The following PREX1 variants were observed in gnomAD, a reference collection of about 807,000 sequenced individuals.
PREX1 encodes phosphatidylinositol 3,4,5-trisphosphate-dependent Rac exchanger 1 protein.
In PREX1, 41 loss-of-function variants were observed where a neutral mutation model predicts 198.3. The ratio of observed to expected loss-of-function variants is 0.21; its 90% CI spans 0.16 to 0.27. PREX1 has a LOEUF of 0.27. Among genes scored for constraint, PREX1 ranks in the 10% least tolerant of loss-of-function variants. The pLI is 1.00. For synonymous variants in PREX1, 843 were observed against 887.2 expected, an observed-to-expected ratio of 0.95 and a Z score of 0.89; for missense variants, 1,620 against 2,200.7, an observed-to-expected ratio of 0.74 and a Z score of 5.28.
At chr20:48,851,862 G>A in the PREX1 span, among the ~76,000 whole-genome samples, 4 of 152,142 alleles carry the variant, frequency 2.6e-5, no homozygotes, top group Non-Finnish European at 5.9e-5. Context: ...TCATCTGTGA[G>A]AGCCTTGAAC....
At chr20:48,727,847 C>T (rs1555838730) in intron 4 of PREX1, among the ~76,000 whole-genome samples, 1 of 152,180 alleles carries the variant, frequency 6.6e-6, no homozygotes, top group Non-Finnish European at 1.5e-5. Flanking sequence ...ACGTGGCTCT[C>T]AATCACATTA....
chr20:48,881,256 G>A, the PREX1 span, among the ~76,000 whole-genome samples: 1 of 152,050 alleles, frequency 6.6e-6, no homozygotes, highest in Non-Finnish European at 1.5e-5. Context: ...TCCCTTTACT[G>A]TGGTGTACAT....
chr20:48,640,855 A>C lies in PREX1; in HGVS notation c.3776-961T>G, dbSNP rs533276395. Reference sequence around the variant, plus strand: ...GACAGACAAGAAGATGGATGGATGGATGGGTAGGTGGGTAGATGGATGGAT... The same window carrying C: ...GACAGACAAGAAGATGGATGGATGGCTGGGTAGGTGGGTAGATGGATGGAT... On this transcript the variant is annotated intron_variant, in intron 29 of 39. Transcript: ENST00000371941. Among the ~76,000 whole-genome samples the C allele has an allele frequency of 7.3e-3, 687 of 94,118 alleles. 3 individuals carry two copies. The highest frequency in any genetic ancestry group is 9.0e-3 in the Non-Finnish European group (446 of 49,820). The allele number at this position is 94,118 out of a possible 152,430, so 61.7% of individuals were successfully genotyped here. A position where few individuals can be genotyped will look rare whatever the true frequency, so the allele number is the denominator to read the frequency against.
chr20:48,781,370 T>C (rs1354805021), intron 1 of PREX1, among the ~76,000 whole-genome samples: 1 of 152,106 alleles, frequency 6.6e-6, no homozygotes, highest in African/African-American at 2.4e-5. Context: ...TATTTGCAAG[T>C]TTTCTGTAAG....
At chr20:48,856,440 C>T in the PREX1 span, among the ~76,000 whole-genome samples, 1 of 152,122 alleles carries the variant, frequency 6.6e-6, no homozygotes, top group Non-Finnish European at 1.5e-5. Flanking sequence ...ACTGAGAGAG[C>T]CCAAACTTCA....
chr20:48,817,194 C>T (rs938723824), intron 1 of PREX1, among the ~76,000 whole-genome samples: 1 of 152,090 alleles, frequency 6.6e-6, no homozygotes, highest in African/African-American at 2.4e-5. Context: ...TTTCAATCTT[C>T]GGAGGGATTG....
intron 7 of PREX1, among the ~76,000 whole-genome samples, chr20:48,698,793 C>T (rs1474034684): frequency 6.6e-6 from 1 of 152,224 alleles, no homozygotes; most frequent in African/African-American, 2.4e-5. Context: ...AAGTTAACAA[C>T]AATGGTGCTG....
intron 17 of PREX1, among the ~76,000 whole-genome samples, chr20:48,657,569 G>A (rs911965207): frequency 5.9e-5 from 9 of 152,156 alleles, no homozygotes; most frequent in African/African-American, 1.2e-4. Context: ...CCTTCCAACC[G>A]CTCACATCAC....
At chr20:48,769,589 C>T (rs1487852067) in intron 1 of PREX1, among the ~76,000 whole-genome samples, 1 of 152,204 alleles carries the variant, frequency 6.6e-6, no homozygotes, top group Non-Finnish European at 1.5e-5. Context: ...TCCCTCATCT[C>T]CTCCCACACT....
At position 48,748,013 on chromosome 20, in the gene PREX1, G is replaced by C. The variant is rs2122782358; in HGVS notation, c.220-133C>G. On this transcript the variant is annotated intron_variant, in intron 1 of 39. Transcript: ENST00000371941. The stretch of plus-strand genomic sequence containing the variant: ...CCACGAGTCCAGGGACACAGGCAGA[G>C]GACGAGGAAAAACGTGCTCTGCTTA... 5.1e-6 allele frequency: 4 copies of C among 783,872 alleles called. No homozygotes were observed. In the East Asian group the frequency reaches 1.1e-4, roughly 22 times the overall value. 48.6% of individuals were successfully genotyped at this position (783,872 alleles called of 1,614,324 possible).
intron 3 of PREX1, 116 bp downstream of exon 3, chr20:48,744,909 C>A: frequency 7.3e-7 from 1 of 1,371,068 alleles, no homozygotes; most frequent in South Asian, 1.4e-5. Flanking sequence ...CCTTGCTACC[C>A]CATCTCCCAG....
the PREX1 span, among the ~76,000 whole-genome samples, chr20:48,834,046 G>A: frequency 6.1e-4 from 92 of 151,306 alleles, no homozygotes; most frequent in South Asian, 1.5e-3. Context: ...CCGAGATAGC[G>A]CCACTGCATT....
intron 26 of PREX1, 46 bp from the exon 27 acceptor site, chr20:48,644,543 C>A: frequency 1.3e-6 from 2 of 1,562,078 alleles, no homozygotes; most frequent in East Asian, 2.3e-5. Flanking sequence ...TGAGCTCAGG[C>A]CATCTGGTCC....
upstream of PREX1, among the ~76,000 whole-genome samples, chr20:48,828,086 C>A (rs1354940822): frequency 1.4e-5 from 2 of 147,902 alleles, no homozygotes; most frequent in Non-Finnish European, 3.0e-5. Flanking sequence ...GGCTCCCAGA[C>A]GGCTGGCCCC....
the PREX1 span, among the ~76,000 whole-genome samples, chr20:48,878,778 T>C: frequency 6.6e-6 from 1 of 152,158 alleles, no homozygotes; most frequent in Admixed American, 6.5e-5. Flanking sequence ...CCAACAGCAT[T>C]CCAGAACCAC....
chr20:48,638,957 C>G (rs1163124748), intron 30 of PREX1, among the ~76,000 whole-genome samples: 1 of 152,212 alleles, frequency 6.6e-6, no homozygotes, highest in Non-Finnish European at 1.5e-5. Flanking sequence ...CAGGACAGAT[C>G]AGAAGCAGCA....
At chr20:48,887,165 G>C in the PREX1 span, among the ~76,000 whole-genome samples, 1 of 152,192 alleles carries the variant, frequency 6.6e-6, no homozygotes. Flanking sequence ...AGCTATTACT[G>C]ATCAGCCTCA....
At chr20:48,646,665 G>T (rs2089453374) in intron 25 of PREX1, among the ~76,000 whole-genome samples, 1 of 120,416 alleles carries the variant, frequency 8.3e-6, no homozygotes. Context: ...CAGAGCGAGA[G>T]AACCCATCTC....
At chr20:48,778,653 G>C (rs140731315) in intron 1 of PREX1, among the ~76,000 whole-genome samples, 1 of 152,026 alleles carries the variant, frequency 6.6e-6, no homozygotes, top group Non-Finnish European at 1.5e-5. Context: ...TGGTGAAAGG[G>C]GAGACACACA....
Sources: allele counts gnomAD v4.1 joint callset (sites outside exome capture counted in the v4.1 genomes callset), GRCh38; gene constraint gnomAD v4.1.1; transcripts MANE v1.5; gene names NCBI Gene and HGNC (gene_info 2026-07-23, HGNC 2026-07-21).